The following CNTN4 variants were observed in gnomAD, a reference collection of about 807,000 sequenced individuals.
CNTN4 encodes contactin 4, also known as contactin-4.
CNTN4 carries 77 observed loss-of-function variants against 122.5 expected under a neutral mutation model. The ratio of observed to expected loss-of-function variants is 0.63; its 90% confidence interval spans 0.52 to 0.76. The LOEUF (loss-of-function observed/expected upper bound fraction) is 0.76, where lower values mean the gene tolerates loss of function less well. Ranked by LOEUF, CNTN4 falls within the 30% of genes least tolerant of loss-of-function variation. The probability of loss-of-function intolerance (pLI) is 0.00; values close to 1 mark genes in which losing one functional copy is unlikely to be tolerated. For synonymous variants in CNTN4, 512 were observed against 447.0 expected (o/e 1.15, Z -1.83); for missense variants, 1,256 against 1,259.1 (o/e 1.00, Z 0.04).
chr3:2,489,982 G>C (rs952995783), intron 3 of CNTN4, among the ~76,000 whole-genome samples: 5 of 151,586 alleles, frequency 3.3e-5, no homozygotes, highest in Non-Finnish European at 7.4e-5. Flanking sequence ...TAACCAAATT[G>C]TAAATAGGGG....
chr3:2,461,549 G>T (rs1182555880), intron 3 of CNTN4, among the ~76,000 whole-genome samples: 2 of 152,166 alleles, frequency 1.3e-5, no homozygotes, highest in Non-Finnish European at 2.9e-5. Flanking sequence ...TCTAGAACCT[G>T]AGCTCTTAAC....
chr3:3,041,217 G>C (rs748384808), intron 20 of CNTN4: 3 of 152,192 alleles, frequency 2.0e-5, no homozygotes, highest in Non-Finnish European at 2.9e-5. Context: ...CAATCAGAGA[G>C]ATCATCCCCT....
At chr3:2,870,354 A>T (rs1006629823) in intron 8 of CNTN4, among the ~76,000 whole-genome samples, 3 of 152,224 alleles carry the variant, frequency 2.0e-5, no homozygotes, top group African/African-American at 7.2e-5. Context: ...TGAGTGTTGC[A>T]TGGTGAAAAT....
chr3:2,830,387 AG>A (rs2093078582), intron 7 of CNTN4, among the ~76,000 whole-genome samples: 1 of 152,232 alleles, frequency 6.6e-6, no homozygotes, highest in Non-Finnish European at 1.5e-5. Flanking sequence ...TAGTACCGAA[AG>A]GAAATAATGT....
At chr3:2,154,379 CAAA>C (rs34618946) in intron 2 of CNTN4, among the ~76,000 whole-genome samples, 2 of 127,836 alleles carry the variant, frequency 1.6e-5, no homozygotes, top group Admixed American at 7.6e-5. Context: ...GACACTGTCT[CAAA>C]AAAAAAAAAA....
chr3:2,630,699 G>GAA (rs1340731058), intron 4 of CNTN4, among the ~76,000 whole-genome samples: 1 of 88,980 alleles, frequency 1.1e-5, no homozygotes. Flanking sequence ...GTTTATTAAG[G>GAA]GAGTGTGTGT....
At chr3:2,674,269 T>C (rs777798817) in intron 4 of CNTN4, among the ~76,000 whole-genome samples, 13 of 151,796 alleles carry the variant, frequency 8.6e-5, no homozygotes, top group Non-Finnish European at 1.6e-4. Context: ...CTCATCACGT[T>C]TTTTTTTATA....
At chr3:2,225,371 G>A (rs931971156) in intron 2 of CNTN4, among the ~76,000 whole-genome samples, 4 of 151,714 alleles carry the variant, frequency 2.6e-5, no homozygotes, top group African/African-American at 7.3e-5. Flanking sequence ...AAAAGTAGCC[G>A]GGTGTGGTGG....
chr3:2,943,675 G>A (rs2094641716), intron 13 of CNTN4, among the ~76,000 whole-genome samples: 1 of 145,974 alleles, frequency 6.9e-6, no homozygotes, highest in Non-Finnish European at 1.5e-5. Flanking sequence ...TCAGGCTGGA[G>A]TGCAGTGGTG....
intron 3 of CNTN4, among the ~76,000 whole-genome samples, chr3:2,344,551 T>C (rs1404467722): frequency 6.6e-6 from 1 of 152,154 alleles, no homozygotes; most frequent in African/African-American, 2.4e-5. Context: ...GTGCTGGGAT[T>C]ACAAGCGTGA....
chr3:2,394,477 C>A (rs1249718543), intron 3 of CNTN4, among the ~76,000 whole-genome samples: 1 of 152,072 alleles, frequency 6.6e-6, no homozygotes, highest in Admixed American at 6.6e-5. Flanking sequence ...AAAAAGTGCT[C>A]ACATCTTTAG....
chr3:2,680,592 CAT>C (rs1348746599), intron 4 of CNTN4, among the ~76,000 whole-genome samples: 1 of 152,052 alleles, frequency 6.6e-6, no homozygotes, highest in East Asian at 1.9e-4. Flanking sequence ...TTTCTCACAG[CAT>C]ATTTGACAAA....
At chr3:2,288,184 C>G (rs1032073515) in intron 2 of CNTN4, among the ~76,000 whole-genome samples, 2 of 152,066 alleles carry the variant, frequency 1.3e-5, no homozygotes, top group African/African-American at 4.8e-5. Context: ...TAAAGGAATG[C>G]CTGAGACTAG....
intron 9 of CNTN4, among the ~76,000 whole-genome samples, chr3:2,884,260 A>G (rs559009510): frequency 6.6e-6 from 1 of 152,120 alleles, no homozygotes; most frequent in Non-Finnish European, 1.5e-5. Flanking sequence ...ACCAATCCTT[A>G]TATCAGCGTG....
chr3:2,393,285 T>G (rs561096855), intron 3 of CNTN4, among the ~76,000 whole-genome samples: 1 of 152,272 alleles, frequency 6.6e-6, no homozygotes, highest in South Asian at 2.1e-4. Flanking sequence ...TTTAACTAGT[T>G]ATACCTGTAA....
At chr3:2,370,937 C>T (rs994456285) in intron 3 of CNTN4, among the ~76,000 whole-genome samples, 7 of 152,116 alleles carry the variant, frequency 4.6e-5, no homozygotes, top group East Asian at 1.9e-4. Context: ...ACCTGAAAAG[C>T]GTGATTTAAA....
chr3:2,991,400 C>A (rs1362025186), intron 14 of CNTN4, among the ~76,000 whole-genome samples: 1 of 152,154 alleles, frequency 6.6e-6, no homozygotes, highest in Admixed American at 6.5e-5. Context: ...TGGTTCTGAG[C>A]TGCAGTTAGT....
chr3:2,107,333 G>A (rs538174119), intron 2 of CNTN4, among the ~76,000 whole-genome samples: 70 of 152,232 alleles, frequency 4.6e-4, no homozygotes, highest in African/African-American at 1.5e-3. Flanking sequence ...GAGGTTTAAT[G>A]GACTCACAGT....
chr3:2,231,367 A>G (rs1199412336), intron 2 of CNTN4, among the ~76,000 whole-genome samples: 1 of 152,150 alleles, frequency 6.6e-6, no homozygotes, highest in Non-Finnish European at 1.5e-5. Context: ...TCCCTAATCC[A>G]TCCCCTTAAC....
Sources: allele counts gnomAD v4.1 joint callset (sites outside exome capture counted in the v4.1 genomes callset), GRCh38; gene constraint gnomAD v4.1.1; transcripts MANE v1.5; gene names NCBI Gene and HGNC (gene_info 2026-07-23, HGNC 2026-07-21).